Variants in MARCHF11 observed in about 807,000 individuals in gnomAD.
MARCHF11 encodes membrane associated ring-CH-type finger 11.
A neutral mutation model predicts 37.3 loss-of-function variants in MARCHF11; 29 were observed. The ratio of observed to expected loss-of-function variants is 0.78; its 90% CI spans 0.58 to 1.06. MARCHF11 has a LOEUF of 1.06. Among genes scored for constraint, MARCHF11 ranks in the 50% least tolerant of loss-of-function variants. The pLI is 0.00. For synonymous variants in MARCHF11, 233 were observed against 228.0 expected (o/e 1.02, Z -0.20); for missense variants, 482 against 533.4 (o/e 0.90, Z 0.95).
intron 2 of MARCHF11, among the ~76,000 whole-genome samples, 177 bp downstream of exon 2, chr5:16,177,549 T>TA (rs1376515729): frequency 6.6e-6 from 1 of 152,218 alleles, no homozygotes; most frequent in Non-Finnish European, 1.5e-5. Context: ...GTTTCTCAGA[T>TA]AAAATGTCAT....
intron 3 of MARCHF11, among the ~76,000 whole-genome samples, chr5:16,069,034 T>C (rs1403723315): frequency 2.6e-5 from 4 of 152,192 alleles, no homozygotes; most frequent in Non-Finnish European, 4.4e-5. Flanking sequence ...AGTTAAAAAA[T>C]GTTTACTACC....
rs1308153504 is a variant in MARCHF11 at position 16,067,827 on chromosome 5, T to G, written c.887-34A>C. Reference sequence around the variant, plus strand: ...TGAGAAAATAAAAAACCAAAAAGACTGGTGATAATCCAAGGCTGGGAGTGT... The same window carrying G: ...TGAGAAAATAAAAAACCAAAAAGACGGGTGATAATCCAAGGCTGGGAGTGT... On this transcript the variant is annotated intron_variant, in intron 3 of 3. Coordinates refer to ENST00000332432, the MANE Select transcript of MARCHF11 (RefSeq NM_001102562.3). 3.2e-6 allele frequency: 5 copies of G among 1,561,366 alleles called. No individual in the cohort carries two copies. In the South Asian group the frequency reaches 5.8e-5, roughly 18 times the overall value.
intron 2 of MARCHF11, among the ~76,000 whole-genome samples, chr5:16,136,517 G>C (rs1319281273): frequency 6.6e-6 from 1 of 152,164 alleles, no homozygotes; most frequent in Non-Finnish European, 1.5e-5. Context: ...AAAATGACTA[G>C]CAGTGATTAC....
intron 2 of MARCHF11, among the ~76,000 whole-genome samples, chr5:16,131,386 A>G (rs1737511463): frequency 6.6e-6 from 1 of 152,240 alleles, no homozygotes; most frequent in Non-Finnish European, 1.5e-5. Flanking sequence ...CAATTATGGA[A>G]ACATATTCAA....
intron 3 of MARCHF11, among the ~76,000 whole-genome samples, chr5:16,087,901 G>T (rs1736725727): frequency 6.6e-6 from 1 of 152,122 alleles, no homozygotes; most frequent in African/African-American, 2.4e-5. Flanking sequence ...CTGGCTGGAT[G>T]ATAACATTTT....
chr5:16,070,861 A>C (rs1424513955), intron 3 of MARCHF11, among the ~76,000 whole-genome samples: 2 of 152,238 alleles, frequency 1.3e-5, no homozygotes, highest in Admixed American at 1.3e-4. Flanking sequence ...ATTCAGAATT[A>C]GTCCTTGGCC....
At chr5:16,085,630 A>G (rs918741520) in intron 3 of MARCHF11, among the ~76,000 whole-genome samples, 3 of 152,018 alleles carry the variant, frequency 2.0e-5, no homozygotes, top group African/African-American at 7.3e-5. Context: ...TTAGTTGGCA[A>G]TGTAAAAGGA....
intron 2 of MARCHF11, among the ~76,000 whole-genome samples, chr5:16,091,305 A>C (rs907162004): frequency 6.6e-6 from 1 of 152,182 alleles, no homozygotes; most frequent in Non-Finnish European, 1.5e-5. Context: ...ACCATTCTGT[A>C]AGTTTAATCT....
At chr5:16,143,481 GAT>G (rs1737751319) in intron 2 of MARCHF11, among the ~76,000 whole-genome samples, 2 of 152,170 alleles carry the variant, frequency 1.3e-5, no homozygotes, top group African/African-American at 4.8e-5. Flanking sequence ...ACTGGATGTC[GAT>G]ATTTTCCCCA....
At position 16,179,092 on chromosome 5, in the gene MARCHF11, G is replaced by GGTGCCC; in HGVS notation, c.478_483dup (p.Gly160_His161dup). On this transcript the variant is annotated inframe_insertion, in exon 1 of 4. Transcript: ENST00000332432. ...CAGATGGGCTGGTGGTGCTGGTGCT[G>GGTGCCC]GTGCCCAGCGCGCTGGTCGCCGCCG... 1 of 1,496,088 alleles carries GGTGCCC rather than the reference G, an allele frequency of 6.7e-7. No homozygotes were observed. The allele number at this position is 1,496,088 out of a possible 1,614,324, so 92.7% of individuals were successfully genotyped here. A position where few individuals can be genotyped will look rare whatever the true frequency, so the allele number is the denominator to read the frequency against.
chr5:16,114,624 T>C (rs1378163435), intron 2 of MARCHF11, among the ~76,000 whole-genome samples: 2 of 152,052 alleles, frequency 1.3e-5, no homozygotes, highest in African/African-American at 4.8e-5. Flanking sequence ...ATCCACTGCC[T>C]GTGTGTAACA....
intron 2 of MARCHF11, among the ~76,000 whole-genome samples, chr5:16,173,836 T>A (rs562464917): frequency 1.3e-5 from 2 of 152,168 alleles, no homozygotes; most frequent in East Asian, 3.9e-4. Flanking sequence ...ATTTCACACA[T>A]ATTTATGTGT....
intron 2 of MARCHF11, among the ~76,000 whole-genome samples, chr5:16,112,334 G>A (rs1179749094): frequency 6.6e-6 from 1 of 152,286 alleles, no homozygotes; most frequent in East Asian, 1.9e-4. Flanking sequence ...GGAAAGAGCC[G>A]ACCAAGGCCA....
chr5:16,114,637 G>A (rs1737200885), intron 2 of MARCHF11, among the ~76,000 whole-genome samples: 1 of 151,942 alleles, frequency 6.6e-6, no homozygotes, highest in Middle Eastern at 3.4e-3. Context: ...GTGTAACAAG[G>A]GTTGATATTC....
intron 2 of MARCHF11, among the ~76,000 whole-genome samples, chr5:16,156,551 G>C (rs942763960): frequency 1.3e-5 from 2 of 151,870 alleles, no homozygotes; most frequent in African/African-American, 2.4e-5. Flanking sequence ...ATGTTAATGT[G>C]AGCATGTCTT....
At chr5:16,135,027 C>CACAT (rs1737585060) in intron 2 of MARCHF11, among the ~76,000 whole-genome samples, 1 of 151,752 alleles carries the variant, frequency 6.6e-6, no homozygotes, top group Non-Finnish European at 1.5e-5. Context: ...CACACACACA[C>CACAT]ATGCAAACAC....
intron 2 of MARCHF11, among the ~76,000 whole-genome samples, chr5:16,150,162 G>A (rs1737868303): frequency 6.7e-6 from 1 of 149,312 alleles, no homozygotes; most frequent in South Asian, 2.1e-4. Context: ...TTTATTCTCT[G>A]TGGGTCATTC....
At chr5:16,093,425 A>G (rs931572543) in intron 2 of MARCHF11, among the ~76,000 whole-genome samples, 4 of 152,204 alleles carry the variant, frequency 2.6e-5, no homozygotes, top group Non-Finnish European at 4.4e-5. Context: ...GTCTGTAGAC[A>G]TAGTGTGGCT....
rs114523547 is a variant in MARCHF11, at chr5:16,102,563, A to G, written c.694-11482T>C. Among the ~76,000 whole-genome samples the G allele has an allele frequency of 4.7e-3, 720 of 152,312 alleles. 5 individuals carry two copies. Among genetic ancestry groups the G allele is most frequent in the African/African-American group, 0.017 (694 of 41,576 alleles). On this transcript the variant is annotated intron_variant, in intron 2 of 3. Transcript: ENST00000332432. The stretch of plus-strand genomic sequence containing the variant: ...ATTGGACATCGGAGACTATGGCCAG[A>G]GGAGAGTTCAGCCACTGATAGCCAA...
Sources: gnomAD v4.1 joint callset for allele counts (sites outside exome capture counted in the v4.1 genomes callset) on GRCh38, gnomAD v4.1.1 for gene constraint, MANE v1.5 for transcripts, NCBI Gene and HGNC (gene_info 2026-07-23, HGNC 2026-07-21) for gene names.